The following SND1 variants were observed in gnomAD, a reference collection of about 807,000 sequenced individuals.
SND1 encodes the protein staphylococcal nuclease domain-containing protein 1.
Under a neutral mutation model 121.7 loss-of-function variants are expected in SND1, and 38 were observed. The observed-to-expected ratio is 0.31, with a 90% CI of 0.24 to 0.41. The LOEUF (loss-of-function observed/expected upper bound fraction) is 0.41. Among genes scored for constraint, SND1 ranks in the 10% least tolerant of loss-of-function variants. The probability of loss-of-function intolerance (pLI) is 1.00; values close to 1 mark genes in which losing one functional copy is unlikely to be tolerated. For synonymous variants in SND1, 401 were observed against 447.4 expected (o/e 0.90, Z 1.31); for missense variants, 868 against 1,184.6 (o/e 0.73, Z 3.92).
intron 9 of SND1, among the ~76,000 whole-genome samples, chr7:127,708,811 A>G (rs1056843795): frequency 1.3e-5 from 2 of 152,120 alleles, no homozygotes; most frequent in Non-Finnish European, 2.9e-5. Flanking sequence ...GAGATGCTAG[A>G]AGTTTTGTTT....
intron 16 of SND1, among the ~76,000 whole-genome samples, chr7:128,036,562 A>G (rs1009552204): frequency 6.6e-6 from 1 of 152,260 alleles, no homozygotes; most frequent in African/African-American, 2.4e-5. Flanking sequence ...GGTCCCATCA[A>G]GAGCAATTTT....
intron 10 of SND1, among the ~76,000 whole-genome samples, chr7:127,730,259 G>C (rs751221364): frequency 6.6e-6 from 1 of 152,100 alleles, no homozygotes; most frequent in Non-Finnish European, 1.5e-5. Flanking sequence ...GAGCCACCGC[G>C]CCCAGCCTGA....
intron 10 of SND1, among the ~76,000 whole-genome samples, chr7:127,734,684 A>G (rs1301002233): frequency 1.3e-5 from 2 of 152,106 alleles, no homozygotes; most frequent in Non-Finnish European, 2.9e-5. Flanking sequence ...GCACCCTAAC[A>G]CAGTGTGCAG....
At chr7:128,087,148 T>A in intron 21 of SND1, 97 bp downstream of exon 21, 1 of 886,484 alleles carries the variant, frequency 1.1e-6, no homozygotes, top group Non-Finnish European at 1.8e-6. Context: ...ATGGAAACTA[T>A]GATGGTCTCT....
At chr7:127,910,843 G>A (rs1800438672) in intron 14 of SND1, among the ~76,000 whole-genome samples, 1 of 152,162 alleles carries the variant, frequency 6.6e-6, no homozygotes. Context: ...GGTTCTGCCG[G>A]GTGGGTTTCT....
chr7:128,055,966 A>G (rs1793135162), intron 16 of SND1, among the ~76,000 whole-genome samples: 1 of 152,232 alleles, frequency 6.6e-6, no homozygotes, highest in Admixed American at 6.5e-5. Flanking sequence ...ATTAGGCAGG[A>G]CTGAGTTCAA....
intron 14 of SND1, among the ~76,000 whole-genome samples, chr7:127,925,888 C>A (rs1326267971): frequency 6.6e-6 from 1 of 151,590 alleles, no homozygotes; most frequent in Non-Finnish European, 1.5e-5. Context: ...AGCCATCGCG[C>A]CCGGCCAGGT....
chr7:127,698,803 T>C, intron 3 of SND1, 72 bp from the exon 4 acceptor site: 1 of 1,184,474 alleles, frequency 8.4e-7, no homozygotes, highest in Non-Finnish European at 1.3e-6. Flanking sequence ...GTGAAAGTGG[T>C]CCCATTTGGG....
chr7:127,705,444 T>C (rs1214309662), intron 8 of SND1, among the ~76,000 whole-genome samples: 2 of 152,218 alleles, frequency 1.3e-5, no homozygotes, highest in Non-Finnish European at 2.9e-5. Context: ...CTAATATAAC[T>C]CTGAGACGTT....
In SND1 at chr7:128,029,359, T is replaced by G; in HGVS notation, c.1779+38303T>G. The G allele has an allele frequency of 6.2e-7, 1 of 1,614,182 alleles. No individual in the cohort carries two copies. Among genetic ancestry groups the G allele is most frequent in the Non-Finnish European group, 8.5e-7 (1 of 1,180,034 alleles). ...GAGGCGTTGGAGTTGCCTGCAACAT[T>G]GGTCACCATGCATGTGTACACCCCA... On this transcript the variant is annotated intron_variant, in intron 16 of 23. Transcript: ENST00000354725. This position sits in a 1 kb window ranked among gnomAD's most constrained non-coding sequence, Gnocchi z 4.2.
chr7:127,844,610 C>T (rs962001160), intron 12 of SND1, among the ~76,000 whole-genome samples, 186 bp downstream of exon 12: 3 of 152,132 alleles, frequency 2.0e-5, no homozygotes, highest in African/African-American at 7.2e-5. Flanking sequence ...ATTAGCTAAT[C>T]GTATACTTTC....
intron 1 of SND1, among the ~76,000 whole-genome samples, chr7:127,654,700 T>A (rs755471838): frequency 1.8e-4 from 28 of 152,192 alleles, no homozygotes; most frequent in Admixed American, 8.5e-4. Flanking sequence ...CATATACAAT[T>A]CAGTGATTTG....
chr7:127,749,989 G>GTT (rs1428249436), intron 10 of SND1, among the ~76,000 whole-genome samples: 1 of 152,162 alleles, frequency 6.6e-6, no homozygotes, highest in Non-Finnish European at 1.5e-5. Flanking sequence ...GGTCCCAGCT[G>GTT]TTTGGAAGCC....
intron 16 of SND1, among the ~76,000 whole-genome samples, chr7:128,007,711 G>C (rs1803017277): frequency 6.6e-6 from 1 of 152,178 alleles, no homozygotes; most frequent in African/African-American, 2.4e-5. Context: ...TCCTTTGTTG[G>C]TTAGAAAAAT....
chr7:127,909,869 C>G (rs1800417978), intron 14 of SND1, among the ~76,000 whole-genome samples: 1 of 152,184 alleles, frequency 6.6e-6, no homozygotes, highest in Non-Finnish European at 1.5e-5. Context: ...AGGATTCTGA[C>G]TTGCTAATGT....
intron 16 of SND1, among the ~76,000 whole-genome samples, chr7:128,073,074 G>A (rs550643240): frequency 1.3e-5 from 2 of 152,186 alleles, no homozygotes; most frequent in Non-Finnish European, 2.9e-5. Flanking sequence ...GCAGTGGAAG[G>A]AAGGGCTGCT....
chr7:128,091,968 A>G, intron 23 of SND1, 25 bp from the exon 24 acceptor site: 1 of 1,613,864 alleles, frequency 6.2e-7, no homozygotes, highest in Non-Finnish European at 8.5e-7. Flanking sequence ...ATCCCTGAAG[A>G]GCTATTGTCT....
chr7:127,874,140 G>A (rs7810024), intron 12 of SND1, among the ~76,000 whole-genome samples: 34,222 of 151,976 alleles, frequency 0.23, 4,288 homozygotes, highest in Middle Eastern at 0.33. Flanking sequence ...TACTCTCCAC[G>A]CAGAAGCATT....
intron 11 of SND1, among the ~76,000 whole-genome samples, chr7:127,821,300 A>G (rs747906611): frequency 6.6e-6 from 1 of 152,198 alleles, no homozygotes. Flanking sequence ...CACAAGTAGC[A>G]TGCGGGGTGC....
Sources: gnomAD v4.1 joint callset for allele counts (sites outside exome capture counted in the v4.1 genomes callset) on GRCh38, gnomAD v4.1.1 for gene constraint, Gnocchi (gnomAD v3.1) non-coding constraint, MANE v1.5 for transcripts, NCBI Gene and HGNC (gene_info 2026-07-23, HGNC 2026-07-21) for gene names.